The following BRWD1 variants were observed in gnomAD, a reference collection of about 807,000 sequenced individuals.
BRWD1 encodes bromodomain and WD repeat domain containing 1.
Under a neutral mutation model 251.2 loss-of-function variants are expected in BRWD1, and 82 were observed. That is an observed-to-expected ratio of 0.33 (90% CI 0.27 to 0.39). The LOEUF is 0.39. BRWD1 is among the 10% of genes least tolerant of loss of function. The probability of loss-of-function intolerance (pLI) is 1.00; values close to 1 mark genes in which losing one functional copy is unlikely to be tolerated. For missense variants in BRWD1, 2,233 were observed against 2,711.6 expected, an observed-to-expected ratio of 0.82 and a Z score of 3.92; for synonymous variants, 918 against 902.8, an observed-to-expected ratio of 1.02 and a Z score of -0.30.
chr21:39,314,087 C>G (rs1347955325), upstream of BRWD1: 11 of 455,934 alleles, frequency 2.4e-5, no homozygotes, highest in Non-Finnish European at 4.4e-5. Flanking sequence ...AGGGTCATTT[C>G]ACGGACCGGT....
rs1430835151 is a variant in BRWD1 at position 39,191,138 on chromosome 21, A to C, written c.*5121T>G. 16 of 985,248 alleles carry C rather than the reference A, an allele frequency of 1.6e-5. No homozygotes were observed. Among genetic ancestry groups the C allele is most frequent in the Non-Finnish European group, 1.9e-5 (16 of 829,926 alleles). 61.0% of individuals were successfully genotyped at this position (985,248 alleles called of 1,614,324 possible). On this transcript the variant is annotated 3_prime_UTR_variant, in exon 41 of 41. Transcript: ENST00000342449. ...ACTAAATGCAGGCAGAATCAGAAGT[A>C]AATACTTGTTTTCAATCTACCCTAT...
At chr21:39,245,739 A>T (rs2034166049) in intron 21 of BRWD1, among the ~76,000 whole-genome samples, 1 of 152,126 alleles carries the variant, frequency 6.6e-6, no homozygotes, top group East Asian at 1.9e-4. Flanking sequence ...AGCTGGGATC[A>T]CATGCACCTA....
At chr21:39,317,241 A>G (rs1372952992), upstream of BRWD1, 1 of 152,232 alleles carries the variant, frequency 6.6e-6, no homozygotes, top group Non-Finnish European at 1.5e-5. Flanking sequence ...ACACAATTCA[A>G]TCCCAGCCAT....
At chr21:39,315,169 A>T (rs1459312790), upstream of BRWD1, among the ~76,000 whole-genome samples, 1 of 151,620 alleles carries the variant, frequency 6.6e-6, no homozygotes, top group South Asian at 2.1e-4. Context: ...GCTAATTTTT[A>T]TATTTTTATA....
intron 21 of BRWD1, among the ~76,000 whole-genome samples, chr21:39,238,962 T>C (rs1001236957): frequency 1.3e-5 from 2 of 152,206 alleles, no homozygotes; most frequent in East Asian, 3.9e-4. Flanking sequence ...GCTTTTCATA[T>C]GGTTATTTGT....
At chr21:39,224,499 C>T in intron 28 of BRWD1, 30 bp from the exon 29 acceptor site, 1 of 1,520,232 alleles carries the variant, frequency 6.6e-7, no homozygotes, top group South Asian at 1.2e-5. Flanking sequence ...CTCTGGTTAG[C>T]CTTTCATAAA....
intron 4 of BRWD1, among the ~76,000 whole-genome samples, chr21:39,304,013 C>T (rs1247991765): frequency 1.3e-5 from 2 of 150,828 alleles, no homozygotes; most frequent in Non-Finnish European, 3.0e-5. Context: ...TGGTGGCGGG[C>T]GCCTGTAATC....
Position 39,194,814 on chromosome 21 carries a change from C to A in BRWD1, c.*1445G>T. ...GTCTAATATTGATACCAGTCTGATG[C>A]TTCACCTTATCTGCCACTTCAAAGA... On this transcript the variant is annotated 3_prime_UTR_variant, in exon 41 of 41. Coordinates refer to ENST00000342449, the MANE Select transcript of BRWD1 (RefSeq NM_033656.4). 1 of 1,534,462 alleles carries A rather than the reference C, an allele frequency of 6.5e-7. No individual in the cohort carries two copies. Among genetic ancestry groups the A allele is most frequent in the Non-Finnish European group, 8.7e-7 (1 of 1,145,594 alleles).
At chr21:39,261,391 C>G (rs912753975) in intron 17 of BRWD1, among the ~76,000 whole-genome samples, 1 of 152,120 alleles carries the variant, frequency 6.6e-6, no homozygotes, top group African/African-American at 2.4e-5. Context: ...AAGTGCTTTA[C>G]GTACACTTCC....
chr21:39,266,297 T>C (rs1303280104), intron 15 of BRWD1, among the ~76,000 whole-genome samples: 1 of 151,926 alleles, frequency 6.6e-6, no homozygotes, highest in Admixed American at 6.6e-5. Flanking sequence ...AAAAAAATTG[T>C]GTGTGTATAT....
At chr21:39,268,086 A>C (rs564785313) in intron 15 of BRWD1, among the ~76,000 whole-genome samples, 1 of 152,318 alleles carries the variant, frequency 6.6e-6, no homozygotes, top group South Asian at 2.1e-4. Flanking sequence ...GAATAATGCC[A>C]TTGGAAAATC....
At chr21:39,316,282 G>T (rs969203126), upstream of BRWD1, among the ~76,000 whole-genome samples, 2 of 152,184 alleles carry the variant, frequency 1.3e-5, no homozygotes, top group African/African-American at 4.8e-5. Flanking sequence ...CAAAAATCTC[G>T]TTTGGGGCTT....
intron 12 of BRWD1, 85 bp downstream of exon 12, chr21:39,276,088 C>A: frequency 8.4e-7 from 1 of 1,188,622 alleles, no homozygotes; most frequent in South Asian, 2.1e-5. Context: ...AAAATACATA[C>A]AAAATGACAG....
In BRWD1 at chr21:39,194,826, T is replaced by G; in HGVS notation, c.*1433A>C. On this transcript the variant is annotated 3_prime_UTR_variant, in exon 41 of 41. Transcript: ENST00000342449. ...TACCAGTCTGATGCTTCACCTTATC[T>G]GCCACTTCAAAGATACACAGGAGAA... is the stretch of plus-strand genomic sequence containing the variant. 6.5e-7 allele frequency: 1 copy of G among 1,534,344 alleles called. No individual in the cohort carries two copies.
chr21:39,208,559 C>G (rs1486021842), intron 36 of BRWD1, among the ~76,000 whole-genome samples: 1 of 152,130 alleles, frequency 6.6e-6, no homozygotes, highest in Non-Finnish European at 1.5e-5. Flanking sequence ...TACAATTATT[C>G]AACACATGAG....
intron 18 of BRWD1, among the ~76,000 whole-genome samples, chr21:39,258,276 C>T (rs1031730166): frequency 2.0e-5 from 3 of 152,134 alleles, no homozygotes; most frequent in African/African-American, 7.2e-5. Context: ...TTTTAGAGTA[C>T]AAAAGGCTTC....
chr21:39,303,350 T>C (rs1352017840), intron 4 of BRWD1, among the ~76,000 whole-genome samples: 1 of 149,718 alleles, frequency 6.7e-6, no homozygotes, highest in African/African-American at 2.5e-5. Flanking sequence ...GAAACCCCAT[T>C]TGTACTAAAA....
At chr21:39,304,364 A>C (rs1288997203) in intron 4 of BRWD1, among the ~76,000 whole-genome samples, 1 of 152,104 alleles carries the variant, frequency 6.6e-6, no homozygotes, top group Non-Finnish European at 1.5e-5. Flanking sequence ...TAATCCCAGC[A>C]CTTTGGGAAG....
intron 30 of BRWD1, 89 bp downstream of exon 30, chr21:39,218,416 C>T (rs898443080): frequency 4.2e-6 from 6 of 1,433,464 alleles, no homozygotes; most frequent in Non-Finnish European, 5.6e-6. Flanking sequence ...TAGAAAAGAA[C>T]AGAAACCTCA....
Sources: gnomAD v4.1 joint callset for allele counts (sites outside exome capture counted in the v4.1 genomes callset) on GRCh38, gnomAD v4.1.1 for gene constraint, MANE v1.5 for transcripts, NCBI Gene and HGNC (gene_info 2026-07-23, HGNC 2026-07-21) for gene names.